The following MEIS2 variants were observed in gnomAD, a reference collection of about 807,000 sequenced individuals.
MEIS2 encodes Meis homeobox 2, also known as homeobox protein Meis2.
In MEIS2, 9 loss-of-function variants were observed where a neutral mutation model predicts 58.6. The observed-to-expected ratio is 0.15, with a 90% CI of 0.09 to 0.27. The LOEUF (loss-of-function observed/expected upper bound fraction) is 0.27, where lower values mean the gene tolerates loss of function less well. Ranked by LOEUF, MEIS2 falls within the 10% of genes least tolerant of loss-of-function variation. The pLI is 1.00. For missense variants in MEIS2, 427 were observed against 635.0 expected (o/e 0.67, Z 3.52); for synonymous variants, 221 against 228.4 (o/e 0.97, Z 0.29).
chr15:36,901,421 A>G (rs964787538), intron 9 of MEIS2, among the ~76,000 whole-genome samples: 1 of 152,216 alleles, frequency 6.6e-6, no homozygotes, highest in Admixed American at 6.5e-5. Flanking sequence ...GGCAAGCTTA[A>G]TGCCTTTGAA....
chr15:36,986,906 C>T (rs1032327441), intron 8 of MEIS2, among the ~76,000 whole-genome samples: 2 of 152,150 alleles, frequency 1.3e-5, no homozygotes. Context: ...GTAACTATTA[C>T]ACAGGATGCT....
intron 7 of MEIS2, among the ~76,000 whole-genome samples, chr15:37,078,679 T>C (rs1891786901): frequency 6.9e-6 from 1 of 144,278 alleles, no homozygotes; most frequent in Non-Finnish European, 1.5e-5. Flanking sequence ...CAAAACTCCA[T>C]GTTAGGTAGT....
intron 6 of MEIS2, among the ~76,000 whole-genome samples, 199 bp downstream of exon 6, chr15:37,093,382 A>G (rs561768700): frequency 2.0e-5 from 3 of 152,352 alleles, no homozygotes; most frequent in Admixed American, 1.3e-4. Context: ...GGCTCTCAAC[A>G]TAAATAGGAG....
chr15:36,997,328 C>T (rs78308612), intron 8 of MEIS2, among the ~76,000 whole-genome samples: 16,694 of 152,162 alleles, frequency 0.11, 1,624 homozygotes, highest in Admixed American at 0.33. Context: ...ATTGTCTGCC[C>T]TCAAACTGAA....
chr15:36,984,061 A>G (rs186088659), intron 8 of MEIS2, among the ~76,000 whole-genome samples: 1 of 151,800 alleles, frequency 6.6e-6, no homozygotes, highest in African/African-American at 2.4e-5. Context: ...TAAGATCACA[A>G]GTTTTGTACA....
At chr15:37,017,844 G>T (rs1415482210) in intron 8 of MEIS2, among the ~76,000 whole-genome samples, 1 of 151,918 alleles carries the variant, frequency 6.6e-6, no homozygotes, top group Admixed American at 6.6e-5. Context: ...GGGATTCTAT[G>T]GTGTTTAGGA....
intron 7 of MEIS2, among the ~76,000 whole-genome samples, chr15:37,075,640 T>C (rs959409770): frequency 1.3e-5 from 2 of 151,902 alleles, no homozygotes; most frequent in African/African-American, 4.8e-5. Flanking sequence ...TGCCAGATAA[T>C]CGAAGAAGTG....
At chr15:37,064,660 TTG>T (rs1463998588) in intron 7 of MEIS2, among the ~76,000 whole-genome samples, 11 of 152,168 alleles carry the variant, frequency 7.2e-5, no homozygotes, top group African/African-American at 2.7e-4. Context: ...ACCATCGACA[TTG>T]TCCTAGAACT....
At chr15:37,063,637 A>G (rs746160448) in intron 7 of MEIS2, among the ~76,000 whole-genome samples, 37 of 152,206 alleles carry the variant, frequency 2.4e-4, no homozygotes, top group Middle Eastern at 3.2e-3. Context: ...ATTTGGGTAT[A>G]CATATCATAG....
At position 36,955,171 on chromosome 15, in the gene MEIS2, T is replaced by G. The variant is rs193035383; in HGVS notation, c.901-4771A>C. Among the ~76,000 whole-genome samples, 30 of 152,302 alleles carry G rather than the reference T, an allele frequency of 2.0e-4. No individual in the cohort carries two copies. The East Asian group carries it at 5.8e-3, about 29-fold the overall frequency. ...TACCTTTTTATTCTGTAAACAAGAA[T>G]TCCTATGCTATGAATAGAATATATA... On this transcript the variant is annotated intron_variant, in intron 8 of 11. Coordinates refer to ENST00000561208, the MANE Select transcript of MEIS2 (RefSeq NM_170675.5).
intron 8 of MEIS2, among the ~76,000 whole-genome samples, chr15:36,956,374 C>T (rs2058975234): frequency 6.6e-6 from 1 of 151,966 alleles, no homozygotes; most frequent in Non-Finnish European, 1.5e-5. Context: ...GAGGACTTTT[C>T]CACTCTAACA....
intron 9 of MEIS2, among the ~76,000 whole-genome samples, chr15:36,950,076 G>C (rs975125270): frequency 6.6e-6 from 1 of 151,794 alleles, no homozygotes; most frequent in African/African-American, 2.4e-5. Context: ...TGGAGAGGAA[G>C]AGTGATAGAG....
intron 9 of MEIS2, among the ~76,000 whole-genome samples, chr15:36,905,354 T>G (rs1393100265): frequency 6.6e-6 from 1 of 152,104 alleles, no homozygotes; most frequent in Admixed American, 6.5e-5. Flanking sequence ...TCATGCCATG[T>G]TCTAGTGTTT....
chr15:36,973,320 G>A (rs1438958537), intron 8 of MEIS2, among the ~76,000 whole-genome samples: 1 of 152,186 alleles, frequency 6.6e-6, no homozygotes, highest in Non-Finnish European at 1.5e-5. Flanking sequence ...CTACTCTCTG[G>A]TGTGACACTG....
chr15:36,900,219 A>G (rs951519658), intron 9 of MEIS2, among the ~76,000 whole-genome samples: 1 of 152,242 alleles, frequency 6.6e-6, no homozygotes, highest in African/African-American at 2.4e-5. Context: ...CATAAAATGT[A>G]CCAGTAAGCT....
intron 6 of MEIS2, among the ~76,000 whole-genome samples, chr15:37,087,971 A>G (rs1260399396): frequency 5.9e-5 from 9 of 152,202 alleles, no homozygotes; most frequent in Non-Finnish European, 1.3e-4. Context: ...CATGCCACAT[A>G]CAAGTTCTAT....
intron 8 of MEIS2, among the ~76,000 whole-genome samples, chr15:36,974,342 G>C (rs1469661739): frequency 6.6e-6 from 1 of 152,070 alleles, no homozygotes; most frequent in African/African-American, 2.4e-5. Flanking sequence ...ACCCCAGTAA[G>C]ACCATTAAGT....
chr15:37,087,234 G>A (rs1382794269), intron 6 of MEIS2, among the ~76,000 whole-genome samples: 1 of 152,142 alleles, frequency 6.6e-6, no homozygotes, highest in Non-Finnish European at 1.5e-5. Flanking sequence ...GAGTGAACAT[G>A]TTTCTATTCC....
intron 8 of MEIS2, among the ~76,000 whole-genome samples, chr15:37,024,344 AG>A (rs1332238369): frequency 2.0e-5 from 3 of 152,152 alleles, no homozygotes; most frequent in African/African-American, 7.2e-5. Context: ...GTCTTCAAAA[AG>A]ACTCAAACCC....
Sources: gnomAD v4.1 joint callset for allele counts (sites outside exome capture counted in the v4.1 genomes callset) on GRCh38, gnomAD v4.1.1 for gene constraint, MANE v1.5 for transcripts, NCBI Gene and HGNC (gene_info 2026-07-23, HGNC 2026-07-21) for gene names.